The following CAMTA1 variants were observed in gnomAD, a reference collection of about 807,000 sequenced individuals.
CAMTA1 encodes the protein calmodulin binding transcription activator 1, also known as calmodulin-binding transcription activator 1.
In CAMTA1, 27 loss-of-function variants were observed where a neutral mutation model predicts 170.9. That is an observed-to-expected ratio of 0.16 (90% CI 0.12 to 0.22). The LOEUF is 0.22. Ranked by LOEUF, CAMTA1 falls within the 10% of genes least tolerant of loss-of-function variation. The pLI, the probability that CAMTA1 is intolerant of heterozygous loss-of-function variation, is 1.00. For synonymous variants in CAMTA1, 833 were observed against 891.5 expected (o/e 0.93, Z 1.17); for missense variants, 1,619 against 2,217.2 (o/e 0.73, Z 5.42).
At position 7,173,745 on chromosome 1, in the gene CAMTA1, G is replaced by C. The variant is rs140726382; in HGVS notation, c.303-75746G>C. On this transcript the variant is annotated intron_variant, in intron 4 of 22. Transcript: ENST00000303635. This position sits in a 1 kb window ranked among gnomAD's most constrained non-coding sequence, Gnocchi z 5.4. The stretch of plus-strand genomic sequence containing the variant: ...TCTAGCCTTCTTTACATGGTCCCTG[G>C]CTTGACTGGGGGTTGGGAGGTGCAA... 5.3e-3 allele frequency among the ~76,000 whole-genome samples: 808 copies of C among 151,826 alleles called. 8 individuals carry two copies. The highest frequency in any genetic ancestry group is 0.019 in the African/African-American group (786 of 41,370).
intron 4 of CAMTA1, among the ~76,000 whole-genome samples, chr1:7,134,933 T>A (rs1382471085): frequency 6.6e-6 from 1 of 151,944 alleles, no homozygotes; most frequent in East Asian, 1.9e-4. Flanking sequence ...AATAACCTCA[T>A]TAAAAATGGG....
chr1:7,492,060 C>T (rs1360107302), intron 6 of CAMTA1, among the ~76,000 whole-genome samples: 1 of 152,068 alleles, frequency 6.6e-6, no homozygotes, highest in African/African-American at 2.4e-5. Context: ...AGGGTGGAGT[C>T]GAGGAAACCT....
intron 3 of CAMTA1, among the ~76,000 whole-genome samples, chr1:6,939,580 G>T (rs1269162914): frequency 2.0e-5 from 3 of 152,192 alleles, no homozygotes; most frequent in African/African-American, 7.2e-5. Context: ...CGTCCTCTCT[G>T]TCTCCAGCCT....
At chr1:7,270,527 C>T (rs1366913422) in intron 5 of CAMTA1, among the ~76,000 whole-genome samples, 2 of 151,988 alleles carry the variant, frequency 1.3e-5, no homozygotes, top group Non-Finnish European at 2.9e-5. Flanking sequence ...AACTCCTGAC[C>T]TCAGGTGATC....
intron 11 of CAMTA1, among the ~76,000 whole-genome samples, chr1:7,695,899 T>C (rs2149449228): frequency 6.6e-6 from 1 of 152,302 alleles, no homozygotes; most frequent in South Asian, 2.1e-4. Flanking sequence ...TAAAATGCAC[T>C]TGCACAGAAT....
intron 3 of CAMTA1, among the ~76,000 whole-genome samples, chr1:6,991,854 A>G (rs911241082): frequency 6.6e-6 from 1 of 151,682 alleles, no homozygotes; most frequent in Non-Finnish European, 1.5e-5. Flanking sequence ...GACCACCACC[A>G]TACCTGGCTA....
intron 6 of CAMTA1, among the ~76,000 whole-genome samples, chr1:7,472,963 C>T (rs1005263021): frequency 6.6e-6 from 1 of 152,178 alleles, no homozygotes; most frequent in Non-Finnish European, 1.5e-5. Context: ...GGACTCACCA[C>T]CCCCCAGGAG....
chr1:7,668,429 A>C (rs868485151), intron 9 of CAMTA1, among the ~76,000 whole-genome samples: 22 of 126,652 alleles, frequency 1.7e-4, no homozygotes, highest in South Asian at 6.8e-4. Flanking sequence ...ACACACACAC[A>C]CACCCACCAC....
intron 6 of CAMTA1, among the ~76,000 whole-genome samples, chr1:7,606,241 C>G (rs2095485566): frequency 6.6e-6 from 1 of 152,170 alleles, no homozygotes. Context: ...TCTGTGGGTG[C>G]TTAGGAAACA....
chr1:7,577,212 T>C (rs1335706095), intron 6 of CAMTA1, among the ~76,000 whole-genome samples: 1 of 152,220 alleles, frequency 6.6e-6, no homozygotes, highest in Non-Finnish European at 1.5e-5. Flanking sequence ...CAGATCCCTG[T>C]CACCTCTGTT....
intron 6 of CAMTA1, among the ~76,000 whole-genome samples, chr1:7,537,118 C>A (rs1278310075): frequency 1.3e-5 from 2 of 152,188 alleles, no homozygotes; most frequent in East Asian, 3.8e-4. Flanking sequence ...GCGCCTCCTC[C>A]CCCACAGCTG....
chr1:7,749,539 T>TAA (rs59861377), intron 19 of CAMTA1, among the ~76,000 whole-genome samples: 9 of 145,578 alleles, frequency 6.2e-5, no homozygotes, highest in Non-Finnish European at 9.1e-5. Flanking sequence ...TTTGGTTTTT[T>TAA]AAAAAAAAAA....
At chr1:7,554,770 G>T (rs1357529788) in intron 6 of CAMTA1, among the ~76,000 whole-genome samples, 3 of 152,016 alleles carry the variant, frequency 2.0e-5, no homozygotes, top group African/African-American at 4.8e-5. Flanking sequence ...TTCTGAGGTT[G>T]TCCCAGTTCC....
chr1:7,662,270 G>A (rs777060492), intron 8 of CAMTA1, among the ~76,000 whole-genome samples: 2 of 152,222 alleles, frequency 1.3e-5, no homozygotes, highest in Non-Finnish European at 2.9e-5. Flanking sequence ...CCACGCAGGC[G>A]CAACCTCTTT....
At chr1:7,240,508 G>A (rs1174206820) in intron 4 of CAMTA1, among the ~76,000 whole-genome samples, 2 of 149,440 alleles carry the variant, frequency 1.3e-5, no homozygotes, top group Non-Finnish European at 3.0e-5. Context: ...CTTCAAGTTG[G>A]TTCCAGAGTC....
At chr1:7,421,612 G>T (rs1397541428) in intron 5 of CAMTA1, among the ~76,000 whole-genome samples, 1 of 152,164 alleles carries the variant, frequency 6.6e-6, no homozygotes, top group African/African-American at 2.4e-5. Flanking sequence ...GGTAACAACG[G>T]CCTCCCCCTC....
chr1:7,594,117 G>GAGAAAGAAAGAAAGAAAGAAAGAA (rs373681342), intron 6 of CAMTA1, among the ~76,000 whole-genome samples: 57 of 130,774 alleles, frequency 4.4e-4, no homozygotes, highest in Middle Eastern at 4.0e-3. Context: ...GAAAGAAAGA[G>GAGAAAGAAAGAAAGAAAGAAAGAA]AGAAAGAAAG....
intron 3 of CAMTA1, among the ~76,000 whole-genome samples, chr1:6,923,817 A>G (rs771118444): frequency 1.4e-4 from 21 of 152,214 alleles, no homozygotes; most frequent in Non-Finnish European, 2.9e-4. Context: ...TTACCTTCCC[A>G]TGAGACTGCC....
chr1:7,151,603 G>C (rs559675460), intron 4 of CAMTA1, among the ~76,000 whole-genome samples: 1 of 152,152 alleles, frequency 6.6e-6, no homozygotes, highest in African/African-American at 2.4e-5. Context: ...CCAATTCCTC[G>C]CTATGCCCAA....
Sources: allele counts gnomAD v4.1 joint callset (sites outside exome capture counted in the v4.1 genomes callset), GRCh38; gene constraint gnomAD v4.1.1; non-coding constraint Gnocchi (gnomAD v3.1); transcripts MANE v1.5; gene names NCBI Gene and HGNC (gene_info 2026-07-23, HGNC 2026-07-21).